Variants in MAP2 observed in about 807,000 individuals in gnomAD.
The protein encoded by MAP2 is microtubule-associated protein 2.
A neutral mutation model predicts 137.6 loss-of-function variants in MAP2; 14 were observed. The ratio of observed to expected loss-of-function variants is 0.10; its 90% CI spans 0.07 to 0.16. MAP2 has a LOEUF of 0.16. MAP2 is among the 10% of genes least tolerant of loss of function. The pLI, the probability that MAP2 is intolerant of heterozygous loss-of-function variation, is 1.00. For missense variants in MAP2, 2,088 were observed against 2,191.5 expected (o/e 0.95, Z 0.94); for synonymous variants, 786 against 782.3 (o/e 1.00, Z -0.08).
At chr2:209,663,902 T>C (rs1331213338) in intron 5 of MAP2, among the ~76,000 whole-genome samples, 1 of 152,180 alleles carries the variant, frequency 6.6e-6, no homozygotes, top group African/African-American at 2.4e-5. Flanking sequence ...TTCATTCCCA[T>C]GCAGTATTGT....
chr2:209,695,894 C>A lies in MAP2; in HGVS notation c.3724C>A (p.Gln1242Lys), dbSNP rs367929783. ...GAGTGAGGAAGAAGAGATAGAAGCC[C>A]AGGGAGAATATGATAAACTGCTCTT... ...IQSEEEEIEA[Q>K]GEYDKLLFRS... The change falls in exon 8 of 16, where the codon CAG (glutamine) becomes AAG (lysine). Residue 1242 changes from glutamine to lysine, a missense_variant. Physicochemically the swap from Gln to Lys is moderately conservative, Grantham distance 53. Around this residue, in one of 6 missense-constraint regions of MAP2, gnomAD observed 591 missense variants for 642.6 expected, o/e 0.92. Coordinates refer to ENST00000682079, the MANE Select transcript of MAP2 (RefSeq NM_001375505.1). 5.6e-6 allele frequency: 9 copies of A among 1,613,898 alleles called. No individual in the cohort carries two copies. The highest frequency in any genetic ancestry group is 1.3e-5 in the African/African-American group (1 of 74,892).
At chr2:209,538,159 G>A (rs1413339110) in intron 2 of MAP2, among the ~76,000 whole-genome samples, 2 of 152,074 alleles carry the variant, frequency 1.3e-5, no homozygotes, top group Non-Finnish European at 2.9e-5. Context: ...TGAATTTTTG[G>A]ATTTGTGCCT....
rs146254124 is a variant in MAP2, at chr2:209,424,550, T to C, written c.-222+274T>C. The stretch of plus-strand genomic sequence containing the variant: ...GCGAGTGAGCTTGTTAGGTACCACT[T>C]TGAAACAACTGAAAACTTACGCCAG... On this transcript the variant is annotated intron_variant, in intron 1 of 15. Transcript: ENST00000682079. Among the ~76,000 whole-genome samples, 608 of 152,328 alleles carry C rather than the reference T, an allele frequency of 4.0e-3. 3 individuals carry two copies. The highest frequency in any genetic ancestry group is 0.014 in the African/African-American group (570 of 41,570).
intron 1 of MAP2, among the ~76,000 whole-genome samples, chr2:209,436,015 T>TTA (rs138683654): frequency 0.42 from 37,457 of 90,146 alleles, 7,498 homozygotes; most frequent in South Asian, 0.47. Flanking sequence ...ACAGTATATA[T>TTA]TATATATAAA....
At chr2:209,551,351 AT>A (rs530780774) in intron 2 of MAP2, among the ~76,000 whole-genome samples, 17 of 152,206 alleles carry the variant, frequency 1.1e-4, no homozygotes, top group African/African-American at 2.9e-4. Context: ...TCATCTATCA[AT>A]TTCCATTTAA....
chr2:209,729,653 G>A (rs1036831895), intron 14 of MAP2, among the ~76,000 whole-genome samples, 197 bp from the exon 15 acceptor site: 2 of 152,120 alleles, frequency 1.3e-5, no homozygotes, highest in African/African-American at 2.4e-5. Context: ...GTATAAGAAG[G>A]GTGTTATGGT....
intron 1 of MAP2, among the ~76,000 whole-genome samples, chr2:209,448,979 G>T (rs1489268261): frequency 6.6e-6 from 1 of 152,078 alleles, no homozygotes; most frequent in Non-Finnish European, 1.5e-5. Context: ...GAGAGATATG[G>T]GGGACTCTGT....
intron 4 of MAP2, among the ~76,000 whole-genome samples, chr2:209,626,243 A>G (rs550433625): frequency 9.9e-5 from 15 of 152,096 alleles, no homozygotes; most frequent in African/African-American, 2.9e-4. Context: ...GTGAAACCCC[A>G]TCTCTACCAA....
intron 1 of MAP2, among the ~76,000 whole-genome samples, chr2:209,475,154 G>A (rs907699352): frequency 5.3e-5 from 8 of 151,962 alleles, no homozygotes; most frequent in South Asian, 2.1e-4. Flanking sequence ...ATTTGCTCCC[G>A]TCATGAAGTT....
chr2:209,541,083 T>A (rs1033835786), intron 2 of MAP2, among the ~76,000 whole-genome samples: 2 of 151,052 alleles, frequency 1.3e-5, no homozygotes, highest in Non-Finnish European at 2.9e-5. Context: ...CAGGCTGGAG[T>A]GCGATGGCAC....
chr2:209,621,322 G>A (rs1369380153), intron 3 of MAP2, among the ~76,000 whole-genome samples: 2 of 140,010 alleles, frequency 1.4e-5, no homozygotes, highest in African/African-American at 5.5e-5. Context: ...ACAATGGCAC[G>A]ATCTCGGCTC....
At chr2:209,692,159 C>A (rs918579266) in intron 7 of MAP2, among the ~76,000 whole-genome samples, 32 of 151,976 alleles carry the variant, frequency 2.1e-4, no homozygotes, top group African/African-American at 7.5e-4. Flanking sequence ...AATGATAAAA[C>A]CAATGAAAAT....
At chr2:209,572,901 A>G (rs758797209) in intron 2 of MAP2, among the ~76,000 whole-genome samples, 1 of 152,204 alleles carries the variant, frequency 6.6e-6, no homozygotes, top group Non-Finnish European at 1.5e-5. Context: ...TCAACTCCTG[A>G]CCAGTTGTTC....
chr2:209,590,379 A>ATTTCACTCTT lies in MAP2; in HGVS notation c.-107+10279_-107+10280insTTTCACTCTT, dbSNP rs1280086267. Among the ~76,000 whole-genome samples, 21 of 152,226 alleles carry ATTTCACTCTT rather than the reference A, an allele frequency of 1.4e-4. No individual in the cohort carries two copies. In the East Asian group the frequency reaches 3.7e-3, roughly 27 times the overall value. ...AGATGAGATTTCACTCTTGTTGCCC[A>ATTTCACTCTT]GGCTGGAGTGCAATGGTGCAATCTC... On this transcript the variant is annotated intron_variant, in intron 3 of 15. Transcript: ENST00000682079.
At chr2:209,614,382 C>G (rs1235505910) in intron 3 of MAP2, among the ~76,000 whole-genome samples, 2 of 152,130 alleles carry the variant, frequency 1.3e-5, no homozygotes, top group African/African-American at 4.8e-5. Context: ...AGGGAGGCAG[C>G]CTCTTCTTTG....
intron 3 of MAP2, among the ~76,000 whole-genome samples, chr2:209,606,211 C>A (rs1314038270): frequency 1.3e-5 from 2 of 151,846 alleles, no homozygotes; most frequent in Admixed American, 6.6e-5. Context: ...ATTGTTCAGT[C>A]TTTTTTTATT....
intron 1 of MAP2, among the ~76,000 whole-genome samples, chr2:209,489,965 A>C (rs1054826521): frequency 3.9e-5 from 6 of 152,204 alleles, no homozygotes; most frequent in African/African-American, 1.4e-4. Context: ...CTCCTTAAGA[A>C]GAGCAATAAT....
intron 1 of MAP2, among the ~76,000 whole-genome samples, chr2:209,476,317 G>A (rs377318230): frequency 1.5e-4 from 23 of 151,728 alleles, no homozygotes; most frequent in African/African-American, 4.3e-4. Flanking sequence ...GTAAACCGAC[G>A]CTGAAGAAAG....
chr2:209,554,444 G>T (rs2070004726), intron 2 of MAP2, among the ~76,000 whole-genome samples: 1 of 152,188 alleles, frequency 6.6e-6, no homozygotes, highest in Non-Finnish European at 1.5e-5. Context: ...GATGGATGCT[G>T]CCACAGTAGG....
Sources: gnomAD v4.1 joint callset for allele counts (sites outside exome capture counted in the v4.1 genomes callset) on GRCh38, gnomAD v4.1.1 for gene constraint, gnomAD v4.1.1 regional missense constraint, MANE v1.5 for transcripts, NCBI Gene and HGNC (gene_info 2026-07-23, HGNC 2026-07-21) for gene names.